The following FN1 variants were observed in gnomAD, a reference collection of about 807,000 sequenced individuals.
FN1 encodes the protein fibronectin 1.
FN1 carries 106 observed loss-of-function variants against 297.3 expected under a neutral mutation model. The ratio of observed to expected loss-of-function variants is 0.36; its 90% confidence interval spans 0.30 to 0.42. The LOEUF is 0.42. Among genes scored for constraint, FN1 ranks in the 10% least tolerant of loss-of-function variants. The pLI, the probability that FN1 is intolerant of heterozygous loss-of-function variation, is 1.00. For missense variants in FN1, 2,690 were observed against 3,124.9 expected (o/e 0.86, Z 3.32); for synonymous variants, 1,149 against 1,152.6 (o/e 1.00, Z 0.06).
At position 215,361,159 on chromosome 2, in the gene FN1, CCAGA is replaced by C. The variant is rs2053380750; in HGVS notation, c.*392_*395del. ...ATGCTTGTTCCTACAGTATTGCGGG[CCAGA>C]CACTTAAGTGAAAGCAGAAGTGTTT... On this transcript the variant is annotated 3_prime_UTR_variant, in exon 46 of 46. Coordinates refer to ENST00000354785, the MANE Select transcript of FN1 (RefSeq NM_212482.4). 2 of 225,320 alleles carry C rather than the reference CCAGA, an allele frequency of 8.9e-6. No homozygotes were observed. The highest frequency in any genetic ancestry group is 4.6e-5 in the African/African-American group (2 of 43,614). The allele number at this position is 225,320 out of a possible 1,614,324, so 14.0% of individuals were successfully genotyped here.
chr2:215,406,768 T>C (rs1362014270), intron 18 of FN1, among the ~76,000 whole-genome samples: 1 of 152,150 alleles, frequency 6.6e-6, no homozygotes, highest in Non-Finnish European at 1.5e-5. Flanking sequence ...GAGAGGGTTA[T>C]AAGAAAAGAT....
rs1288589714 is a variant in FN1 at position 215,370,548 on chromosome 2, AAAAAAC to A, written c.6715-122_6715-117del. ...AACAAAGCAAAGGAAGACAAAAAACAAAAAACAAAAAAAAAAAAAAGAGGGAGGGTA... is the reference window on the plus strand; with the variant it reads ...AACAAAGCAAAGGAAGACAAAAAACAAAAAAAAAAAAAAAGAGGGAGGGTA... On this transcript the variant is annotated intron_variant, in intron 40 of 45. Transcript: ENST00000354785. 0.1 allele frequency: 57,652 copies of A among 564,002 alleles called. 8,561 individuals carry two copies. The highest frequency in any genetic ancestry group is 0.15 in the Admixed American group (4,694 of 30,726). 34.9% of individuals were successfully genotyped at this position (564,002 alleles called of 1,614,324 possible).
In FN1 at chr2:215,406,655, T is replaced by C. The variant is rs112098484; in HGVS notation, c.2714-145A>G. 1.1e-3 allele frequency: 932 copies of C among 831,988 alleles called. 5 individuals are homozygous for C. The African/African-American group carries it at 0.013, about 12-fold the overall frequency. The allele number at this position is 831,988 out of a possible 1,614,324, so 51.5% of individuals were successfully genotyped here. On this transcript the variant is annotated intron_variant, in intron 18 of 45. Transcript: ENST00000354785. ...TTTGTCTCTTAATCAGATCACATTT[T>C]CATGGTCCAGTCATAGTGCTTAAAT...
intron 17 of FN1, among the ~76,000 whole-genome samples, chr2:215,407,709 C>G (rs2061949310): frequency 6.6e-6 from 1 of 152,148 alleles, no homozygotes; most frequent in Non-Finnish European, 1.5e-5. Flanking sequence ...CTTTTTGGAA[C>G]TTCAGTGATG....
intron 27 of FN1, among the ~76,000 whole-genome samples, chr2:215,387,414 C>G (rs2059165797): frequency 6.6e-6 from 1 of 152,116 alleles, no homozygotes; most frequent in Non-Finnish European, 1.5e-5. Context: ...CTCCTAAGCT[C>G]AAGAGGAAAT....
rs529446227 is a variant in FN1 at position 215,376,030 on chromosome 2, G to A, written c.5888-312C>T. On this transcript the variant is annotated intron_variant, in intron 36 of 45. Transcript: ENST00000354785. ...CACTTATTGAGGTTTTCTCTTTACC[G>A]TAATCAGATGGTCAATAGTTGAGCC... Among the ~76,000 whole-genome samples, 6 of 152,242 alleles carry A rather than the reference G, an allele frequency of 3.9e-5. 1 individual carries two copies. The highest frequency in any genetic ancestry group is 9.6e-5 in the African/African-American group (4 of 41,550).
rs772217727 is a variant in FN1 at position 215,428,280 on chromosome 2, C to T, written c.744G>A (p.Lys248=). 4 of 1,614,210 alleles carry T rather than the reference C, an allele frequency of 2.5e-6. No individual in the cohort carries two copies. Among genetic ancestry groups the T allele is most frequent in the South Asian group, 1.1e-5 (1 of 91,080 alleles). The part of the protein sequence containing the change: ...TSYRIGDTWS[K]KDNRGNLLQC... The stretch of plus-strand genomic sequence containing the variant: ...GGAGCAGGTTTCCTCGATTATCCTT[C>T]TTGCTCCAGGTGTCTCCAATTCTAT... Residue 248 remains lysine (K), a synonymous_variant, in exon 6 of 46, where the codon AAG becomes AAA. Coordinates refer to ENST00000354785, the MANE Select transcript of FN1 (RefSeq NM_212482.4).
At chr2:215,399,385 T>C (rs1486587283) in intron 20 of FN1, 34 bp from the exon 21 acceptor site, 2 of 1,422,896 alleles carry the variant, frequency 1.4e-6, no homozygotes, top group Non-Finnish European at 2.0e-6. Context: ...TATTCAAAAC[T>C]CAAACTCACA....
intron 8 of FN1, 21 bp from the exon 9 acceptor site, chr2:215,423,547 C>T (rs755409160): frequency 1.9e-6 from 3 of 1,612,156 alleles, no homozygotes. Flanking sequence ...CAATACACAA[C>T]AAAGAAGGAA....
In FN1 at chr2:215,361,297, C is replaced by T. The variant is rs187564147; in HGVS notation, c.*258G>A. The T allele has an allele frequency of 3.5e-5, 15 of 429,280 alleles. No homozygotes were observed. Among genetic ancestry groups the T allele is most frequent in the South Asian group, 3.4e-4 (11 of 32,318 alleles). 26.6% of individuals were successfully genotyped at this position (429,280 alleles called of 1,614,324 possible). ...CCCAAACCAAATCTTAGAATCACTT[C>T]ATTTAAAATACTGAGCGGTATTGAA... On this transcript the variant is annotated 3_prime_UTR_variant, in exon 46 of 46. Transcript: ENST00000354785.
rs1452111470 is a variant in FN1 at position 215,434,823 on chromosome 2, G to A, written c.150C>T (p.Pro50=). 5 of 1,603,284 alleles carry A rather than the reference G, an allele frequency of 3.1e-6. No individual in the cohort carries two copies. In the African/African-American group the frequency reaches 7.0e-5, roughly 22 times the overall value. The change falls in exon 2 of 46, where the codon CCC becomes CCT. Residue 50 remains proline, a splice_region_variant and synonymous_variant. Coordinates refer to ENST00000354785, the MANE Select transcript of FN1 (RefSeq NM_212482.4). ...QSPVAVSQSK[P]GCYDNGKHYQ... ...AGTGTTTTCCATTGTCATAACAACCGGCTGCAAATAATTGAAGGAAAACGT... is the reference window on the plus strand; with the variant it reads ...AGTGTTTTCCATTGTCATAACAACCAGCTGCAAATAATTGAAGGAAAACGT...
chr2:215,386,984 G>GA, intron 27 of FN1, 26 bp from the exon 28 acceptor site: 2 of 1,584,358 alleles, frequency 1.3e-6, no homozygotes, highest in African/African-American at 1.4e-5. Context: ...GGGGGAGGAA[G>GA]AGAAAAAAAA....
intron 13 of FN1, 37 bp from the exon 14 acceptor site, chr2:215,410,151 A>ACG: frequency 1.4e-6 from 2 of 1,395,622 alleles, no homozygotes; most frequent in Non-Finnish European, 1.9e-6. Context: ...ACACACACAC[A>ACG]CGTGTTTACA....
In FN1 at chr2:215,379,217, C is replaced by T; in HGVS notation, c.5535G>A (p.Val1845=). ...CGGTCTTCTCCTTGGGGGTCACCCG[C>T]ACTCGATATCCAGTGAGCTGAACAT... ...PPNVQLTGYR[V]RVTPKEKTGP... Residue 1845 remains valine, a synonymous_variant, in exon 34 of 46, where the codon GTG becomes GTA. Coordinates refer to ENST00000354785, the MANE Select transcript of FN1 (RefSeq NM_212482.4). The T allele has an allele frequency of 6.2e-7, 1 of 1,614,120 alleles. No homozygotes were observed. Among genetic ancestry groups the T allele is most frequent in the Non-Finnish European group, 8.5e-7 (1 of 1,180,012 alleles).
chr2:215,381,833 T>C (rs1030148095), intron 32 of FN1: 1 of 348,394 alleles, frequency 2.9e-6, no homozygotes, highest in African/African-American at 2.1e-5. Context: ...GGTCCAGCCA[T>C]AGCCCTTCAA....
At chr2:215,433,524 T>C in intron 2 of FN1, 63 bp from the exon 3 acceptor site, 2 of 1,542,902 alleles carry the variant, frequency 1.3e-6, no homozygotes, top group Non-Finnish European at 1.8e-6. Flanking sequence ...AGTTCACTAA[T>C]CCCCTCTAAA....
At chr2:215,375,502 T>C (rs1168940203) in intron 37 of FN1, 109 bp from the exon 38 acceptor site, 1 of 1,273,956 alleles carries the variant, frequency 7.8e-7, no homozygotes, top group African/African-American at 1.5e-5. Context: ...CTGAGAATAC[T>C]GTAAACCGGA....
rs934202523 is a variant in FN1, at chr2:215,383,312, T to C, written c.5050+16A>G. 1 of 1,613,888 alleles carries C rather than the reference T, an allele frequency of 6.2e-7. No homozygotes were observed. Among genetic ancestry groups the C allele is most frequent in the African/African-American group, 1.3e-5 (1 of 74,916 alleles). On this transcript the variant is annotated intron_variant, in intron 31 of 45. Transcript: ENST00000354785. ...AGTGAGCCACCGCACCTGGCCGAGA[T>C]GCAGATGATTCTTACCTGGACCTGC...
At position 215,397,835 on chromosome 2, in the gene FN1, G is replaced by T. The variant is rs756036309; in HGVS notation, c.3362C>A (p.Pro1121Gln). 2 of 1,614,070 alleles carry T rather than the reference G, an allele frequency of 1.2e-6. No individual in the cohort carries two copies. The highest frequency in any genetic ancestry group is 1.7e-6 in the Non-Finnish European group (2 of 1,179,968). ...PRIGFKLGVR[P>Q]SQGGEAPREV... Reference sequence around the variant, plus strand: ...TCGTGGTGCCTCTCCTCCCTGGCTTGGTCGTACACCCAGCTAGAGGAAGGA... The same window carrying T: ...TCGTGGTGCCTCTCCTCCCTGGCTTTGTCGTACACCCAGCTAGAGGAAGGA... Residue 1121 changes from proline to glutamine, a missense_variant, in exon 22 of 46, where the codon CCA (proline) becomes CAA (glutamine). Transcript: ENST00000354785.
Sources: allele counts gnomAD v4.1 joint callset (sites outside exome capture counted in the v4.1 genomes callset), GRCh38; gene constraint gnomAD v4.1.1; transcripts MANE v1.5; gene names NCBI Gene and HGNC (gene_info 2026-07-23, HGNC 2026-07-21).